EHMT1: variants seen among roughly 807,000 people sequenced by gnomAD.
EHMT1 encodes histone-lysine N-methyltransferase EHMT1.
Under a neutral mutation model 147.2 loss-of-function variants are expected in EHMT1, and 15 were observed. That is an observed-to-expected ratio of 0.10 (90% CI 0.07 to 0.16). The LOEUF is 0.16. Ranked by LOEUF, EHMT1 falls within the 10% of genes least tolerant of loss-of-function variation. The probability of loss-of-function intolerance (pLI) is 1.00; values close to 1 mark genes in which losing one functional copy is unlikely to be tolerated. For missense variants in EHMT1, 1,587 were observed against 1,772.4 expected (o/e 0.90, Z 1.88); for synonymous variants, 795 against 709.6 (o/e 1.12, Z -1.91).
intron 16 of EHMT1, among the ~76,000 whole-genome samples, chr9:137,795,884 A>G (rs561221418): frequency 1.3e-5 from 2 of 151,846 alleles, no homozygotes; most frequent in African/African-American, 4.8e-5. Context: ...GCTTTTCAGG[A>G]AAAAAAAACT....
chr9:137,677,249 T>A (rs1183215221), intron 1 of EHMT1, among the ~76,000 whole-genome samples: 2 of 152,066 alleles, frequency 1.3e-5, no homozygotes, highest in African/African-American at 4.8e-5. Flanking sequence ...TTCTCCTGTC[T>A]CAGTCTCCCA....
chr9:137,662,586 G>A (rs1334347704), intron 1 of EHMT1, among the ~76,000 whole-genome samples: 2 of 151,968 alleles, frequency 1.3e-5, no homozygotes, highest in East Asian at 1.9e-4. Context: ...TGCAACCTCC[G>A]CCTCCCAGGT....
At chr9:137,767,129 T>A (rs1564722793) in intron 10 of EHMT1, among the ~76,000 whole-genome samples, 1 of 152,206 alleles carries the variant, frequency 6.6e-6, no homozygotes. Flanking sequence ...AGCCTACTTT[T>A]ATTTTTTAGA....
rs560056046 is a variant in EHMT1 at position 137,623,595 on chromosome 9, A to G, written c.21+4546A>G. 1.0e-3 allele frequency among the ~76,000 whole-genome samples: 159 copies of G among 151,816 alleles called. 1 individual carries two copies. The highest frequency in any genetic ancestry group is 5.2e-3 in the South Asian group (25 of 4,810). On this transcript the variant is annotated intron_variant, in intron 1 of 26. Coordinates refer to ENST00000460843, the MANE Select transcript of EHMT1 (RefSeq NM_024757.5). ...ACGCCTGTGCCTGGCTAATTTTTGT[A>G]TTTTTGGTAGAGACGGGGTTTCAAC...
chr9:137,645,404 T>C (rs1171376290), intron 1 of EHMT1, among the ~76,000 whole-genome samples: 2 of 152,256 alleles, frequency 1.3e-5, no homozygotes, highest in Non-Finnish European at 2.9e-5. Flanking sequence ...TTGTTGATTT[T>C]TGTAACAAGT....
rs377277710 is a variant in EHMT1, at chr9:137,622,028, ATATGTATACATG to A, written c.21+2981_21+2992del. On this transcript the variant is annotated intron_variant, in intron 1 of 26. Coordinates refer to ENST00000460843, the MANE Select transcript of EHMT1 (RefSeq NM_024757.5). The stretch of plus-strand genomic sequence containing the variant: ...TGTGCACAACGTGCAGGTTTGTTAC[ATATGTATACATG>A]TGCCATGTTGGTGTGCTGCACCCAT... Among the ~76,000 whole-genome samples, 308 of 150,898 alleles carry A rather than the reference ATATGTATACATG, an allele frequency of 2.0e-3. 4 individuals are homozygous for A. The highest frequency in any genetic ancestry group is 0.014 in the East Asian group (71 of 5,142).
rs1947079279 is a variant in EHMT1 at position 137,731,205 on chromosome 9, T to TTAGCCTAGGACAGTGTGTAAAATGG, written c.823+2677_823+2701dup. Among the ~76,000 whole-genome samples the TTAGCCTAGGACAGTGTGTAAAATGG allele has an allele frequency of 6.6e-6, 1 of 152,196 alleles. No homozygotes were observed. Among genetic ancestry groups the TTAGCCTAGGACAGTGTGTAAAATGG allele is most frequent in the Non-Finnish European group, 1.5e-5 (1 of 68,034 alleles). ...TGGAAGTGGGTGGTCCATCAGCGTGTTAGCCTAGGACAGTGTGTAAAATGG... is the reference window on the plus strand; with the variant it reads ...TGGAAGTGGGTGGTCCATCAGCGTGTTAGCCTAGGACAGTGTGTAAAATGGTAGCCTAGGACAGTGTGTAAAATGG... On this transcript the variant is annotated intron_variant, in intron 4 of 26. Transcript: ENST00000460843. The surrounding 1 kb of genome is among the most constrained non-coding windows in gnomAD (Gnocchi z 4.3).
chr9:137,769,941 A>C (rs561792513), intron 10 of EHMT1, among the ~76,000 whole-genome samples: 3 of 152,026 alleles, frequency 2.0e-5, no homozygotes, highest in Non-Finnish European at 2.9e-5. Flanking sequence ...GGCTCAAGCA[A>C]TTCTCCTGCC....
chr9:137,795,401 G>GCGCACACACACACACA lies in EHMT1; in HGVS notation c.2506-3411_2506-3410insGCACACACACACACAC, dbSNP rs1554887412. Reference sequence around the variant, plus strand: ...CCAGGACACCATCCTATCGCAGGGTGCACACACACACACACACACACACAC... The same window carrying GCGCACACACACACACA: ...CCAGGACACCATCCTATCGCAGGGTGCGCACACACACACACACACACACACACACACACACACACAC... On this transcript the variant is annotated intron_variant, in intron 16 of 26. Transcript: ENST00000460843. Among the ~76,000 whole-genome samples, 14 of 130,280 alleles carry GCGCACACACACACACA rather than the reference G, an allele frequency of 1.1e-4. 1 individual carries two copies. The highest frequency in any genetic ancestry group is 8.3e-4 in the South Asian group (3 of 3,604). The allele number at this position is 130,280 out of a possible 152,430, so 85.5% of individuals were successfully genotyped here.
intron 1 of EHMT1, among the ~76,000 whole-genome samples, chr9:137,695,667 ATG>A (rs1445433131): frequency 6.6e-6 from 1 of 152,198 alleles, no homozygotes; most frequent in Admixed American, 6.5e-5. Flanking sequence ...TAGGGCACCC[ATG>A]TGTGGCCTCC....
chr9:137,723,223 C>T (rs4979640), intron 3 of EHMT1, among the ~76,000 whole-genome samples: 21,518 of 25,550 alleles, frequency 0.84, 10,028 homozygotes, highest in East Asian at 0.93. Flanking sequence ...CCGGGGTGTG[C>T]CTGTGTCCGT....
rs771333678 is a variant in EHMT1 at position 137,732,678 on chromosome 9, C to T, written c.823+4149C>T. Among the ~76,000 whole-genome samples, 27 of 152,124 alleles carry T rather than the reference C, an allele frequency of 1.8e-4. No homozygotes were observed. The highest frequency in any genetic ancestry group is 9.2e-4 in the Admixed American group (14 of 15,278). ...GTGGATTCTGCCGGGAACTGGCAGC[C>T]CGGTTTTCAGGCTTCAGGCGGCCTT... On this transcript the variant is annotated intron_variant, in intron 4 of 26. Transcript: ENST00000460843. The surrounding 1 kb of genome is among the most constrained non-coding windows in gnomAD (Gnocchi z 4.6).
intron 10 of EHMT1, among the ~76,000 whole-genome samples, chr9:137,766,014 A>C (rs1480022459): frequency 6.6e-6 from 1 of 152,010 alleles, no homozygotes; most frequent in Admixed American, 6.6e-5. Flanking sequence ...TGTCTGTAAA[A>C]TGGGAGGTCG....
At chr9:137,751,440 G>C (rs918678578) in intron 6 of EHMT1, among the ~76,000 whole-genome samples, 3 of 152,232 alleles carry the variant, frequency 2.0e-5, no homozygotes, top group Non-Finnish European at 4.4e-5. Flanking sequence ...ACAAGCGTGA[G>C]CCATCGAGCC....
At chr9:137,756,981 A>C (rs1172093841) in intron 8 of EHMT1, among the ~76,000 whole-genome samples, 2 of 152,150 alleles carry the variant, frequency 1.3e-5, no homozygotes, top group Non-Finnish European at 2.9e-5. Context: ...ATTTATTTCC[A>C]GTCATTGAAA....
intron 1 of EHMT1, among the ~76,000 whole-genome samples, chr9:137,629,553 C>G (rs1315475204): frequency 6.6e-6 from 1 of 152,096 alleles, no homozygotes; most frequent in African/African-American, 2.4e-5. Context: ...ACCACCATGC[C>G]TAGCTAATTT....
At chr9:137,745,583 T>A (rs944178528) in intron 6 of EHMT1, 8 of 398,382 alleles carry the variant, frequency 2.0e-5, no homozygotes, top group Non-Finnish European at 2.7e-5. Context: ...AGCCCAGCCC[T>A]CCCCGAAGGA....
intron 7 of EHMT1, 21 bp downstream of exon 7, chr9:137,752,429 C>T (rs529239920): frequency 7.4e-6 from 12 of 1,610,750 alleles, no homozygotes; most frequent in African/African-American, 1.3e-5. Flanking sequence ...GCGCCTCCTC[C>T]TGCGTCTGTG....
At chr9:137,816,270 A>ACTT (rs2132764921) in intron 23 of EHMT1, 1 of 621,494 alleles carries the variant, frequency 1.6e-6, no homozygotes, top group East Asian at 2.9e-5. Flanking sequence ...CCCAGCACAG[A>ACTT]CTTCGGCATG....
Sources: allele counts gnomAD v4.1 joint callset (sites outside exome capture counted in the v4.1 genomes callset), GRCh38; gene constraint gnomAD v4.1.1; non-coding constraint Gnocchi (gnomAD v3.1); transcripts MANE v1.5; gene names NCBI Gene and HGNC (gene_info 2026-07-23, HGNC 2026-07-21).